ELAPOR2: variants seen among roughly 807,000 people sequenced by gnomAD.
ELAPOR2 encodes endosome/lysosome-associated apoptosis and autophagy regulator family member 2.
In ELAPOR2, 89 loss-of-function variants were observed where a neutral mutation model predicts 120.7. The observed-to-expected ratio is 0.74, with a 90% CI of 0.62 to 0.88. The LOEUF is 0.88. Among genes scored for constraint, ELAPOR2 ranks in the 40% least tolerant of loss-of-function variants. ELAPOR2 has a pLI of 0.00. For missense variants in ELAPOR2, 1,134 were observed against 1,251.6 expected, an observed-to-expected ratio of 0.91 and a Z score of 1.42; for synonymous variants, 444 against 444.9, an observed-to-expected ratio of 1.00 and a Z score of 0.03.
In ELAPOR2 at chr7:86,881,601, C is replaced by T. The variant is rs534001095; in HGVS notation, c.3031-1071G>A. On this transcript the variant is annotated intron_variant, in intron 21 of 21. Coordinates refer to ENST00000450689, the MANE Select transcript of ELAPOR2 (RefSeq NM_001142749.3). Reference sequence around the variant, plus strand: ...TCGAACTCCTGTCCTCGTGATCCGCCCACCTCGGCCTCCCAAAGTGCTGGG... The same window carrying T: ...TCGAACTCCTGTCCTCGTGATCCGCTCACCTCGGCCTCCCAAAGTGCTGGG... Among the ~76,000 whole-genome samples, 6 of 152,176 alleles carry T rather than the reference C, an allele frequency of 3.9e-5. No homozygotes were observed. In the South Asian group the frequency reaches 1.2e-3, roughly 32 times the overall value.
At chr7:86,930,966 G>A (rs761792877) in intron 8 of ELAPOR2, among the ~76,000 whole-genome samples, 1 of 151,918 alleles carries the variant, frequency 6.6e-6, no homozygotes. Context: ...TCTGAAAAAG[G>A]TTGTAGTCTA....
rs188868625 is a variant in ELAPOR2 at position 86,877,349 on chromosome 7, A to G, written c.*3122T>C. Reference sequence around the variant, plus strand: ...TTTCTAAAAGTTTACTCCTCTAAGGACATTTTCTTTGGGCAAACTCAGTTT... The same window carrying G: ...TTTCTAAAAGTTTACTCCTCTAAGGGCATTTTCTTTGGGCAAACTCAGTTT... On this transcript the variant is annotated 3_prime_UTR_variant, in exon 22 of 22. Transcript: ENST00000450689. The G allele has an allele frequency of 1.1e-4, 16 of 152,290 alleles. No individual in the cohort carries two copies. The highest frequency in any genetic ancestry group is 7.4e-5 in the Non-Finnish European group (5 of 68,016). The allele number at this position is 152,290 out of a possible 1,614,324, so 9.4% of individuals were successfully genotyped here.
intron 10 of ELAPOR2, among the ~76,000 whole-genome samples, chr7:86,923,916 C>A (rs150719064): frequency 1.3e-5 from 2 of 152,166 alleles, no homozygotes; most frequent in Non-Finnish European, 2.9e-5. Flanking sequence ...TGTTCTGTAA[C>A]TGTGTGAAAA....
chr7:86,977,648 C>A (rs956883433), intron 1 of ELAPOR2, among the ~76,000 whole-genome samples: 1 of 152,194 alleles, frequency 6.6e-6, no homozygotes, highest in African/African-American at 2.4e-5. Context: ...TCTTCTAATT[C>A]CTCAGCTTTG....
At position 86,891,484 on chromosome 7, in the gene ELAPOR2, T is replaced by C. The variant is rs1007297269; in HGVS notation, c.3030+240A>G. ...AGCTGCAGAGTTGCATAGTATTCTA[T>C]CACTTTGACAGATGAAAATATCTAA... is the stretch of plus-strand genomic sequence containing the variant. On this transcript the variant is annotated intron_variant, in intron 21 of 21. Transcript: ENST00000450689. The C allele has an allele frequency of 4.1e-5, 17 of 411,600 alleles. No individual in the cohort carries two copies. In the South Asian group the frequency reaches 6.9e-4, roughly 17 times the overall value. The allele number at this position is 411,600 out of a possible 1,614,324, so 25.5% of individuals were successfully genotyped here. A position where few individuals can be genotyped will look rare whatever the true frequency, so the allele number is the denominator to read the frequency against.
chr7:87,044,742 C>A (rs1010624854), intron 1 of ELAPOR2, among the ~76,000 whole-genome samples: 34 of 151,896 alleles, frequency 2.2e-4, no homozygotes, highest in Non-Finnish European at 2.2e-4. Context: ...GCAACAAAAG[C>A]CAAAATTGAC....
At chr7:86,905,070 A>AGAAGGAGG (rs1554381574) in intron 18 of ELAPOR2, among the ~76,000 whole-genome samples, 5 of 98,198 alleles carry the variant, frequency 5.1e-5, no homozygotes, top group African/African-American at 1.9e-4. Context: ...ACAGAGAGAG[A>AGAAGGAGG]GAAGGAAGGA....
intron 1 of ELAPOR2, among the ~76,000 whole-genome samples, chr7:86,988,789 A>G (rs1313649999): frequency 6.6e-6 from 1 of 152,244 alleles, no homozygotes; most frequent in Non-Finnish European, 1.5e-5. Context: ...AGACAATGCC[A>G]TCTCTTTCTA....
intron 4 of ELAPOR2, among the ~76,000 whole-genome samples, chr7:86,942,751 C>T (rs2116353826): frequency 6.6e-6 from 1 of 152,132 alleles, no homozygotes; most frequent in Non-Finnish European, 1.5e-5. Context: ...GGGGTTGGGA[C>T]ACTACTTTTC....
intron 1 of ELAPOR2, among the ~76,000 whole-genome samples, chr7:87,020,156 T>C (rs561677290): frequency 5.3e-5 from 8 of 152,262 alleles, no homozygotes; most frequent in Admixed American, 5.2e-4. Context: ...TTAATACATA[T>C]ATATGCACTT....
intron 1 of ELAPOR2, among the ~76,000 whole-genome samples, chr7:86,991,234 A>C (rs1792934630): frequency 6.6e-6 from 1 of 152,242 alleles, no homozygotes; most frequent in Non-Finnish European, 1.5e-5. Context: ...TGACCATATC[A>C]GGTGATTGAT....
intron 1 of ELAPOR2, among the ~76,000 whole-genome samples, chr7:87,018,186 G>A (rs1016674432): frequency 6.6e-6 from 1 of 151,874 alleles, no homozygotes; most frequent in Admixed American, 6.6e-5. Context: ...GATTACAGGC[G>A]CCCGCCACCA....
At chr7:87,034,216 G>C (rs16888353) in intron 1 of ELAPOR2, among the ~76,000 whole-genome samples, 3,695 of 152,226 alleles carry the variant, frequency 0.024, 169 homozygotes, top group African/African-American at 0.085. Context: ...CCCTGGTGTA[G>C]CAGCTTGGAT....
intron 1 of ELAPOR2, among the ~76,000 whole-genome samples, chr7:86,999,626 T>C (rs1793243922): frequency 1.3e-5 from 2 of 152,172 alleles, no homozygotes; most frequent in Non-Finnish European, 2.9e-5. Flanking sequence ...CTCAGATTTA[T>C]CCATAACATA....
intron 19 of ELAPOR2, among the ~76,000 whole-genome samples, chr7:86,893,818 C>T (rs995201196): frequency 6.6e-6 from 1 of 152,004 alleles, no homozygotes; most frequent in Non-Finnish European, 1.5e-5. Context: ...TATTAATATA[C>T]TGGGTCTCAA....
At chr7:87,044,854 C>G (rs535403686) in intron 1 of ELAPOR2, among the ~76,000 whole-genome samples, 1,729 of 149,708 alleles carry the variant, frequency 0.012, 36 homozygotes, top group African/African-American at 0.041. Context: ...TCACAACCTA[C>G]TCATCTGACA....
intron 11 of ELAPOR2, 99 bp downstream of exon 11, chr7:86,919,121 A>G (rs1223268690): frequency 1.4e-6 from 1 of 721,846 alleles, no homozygotes; most frequent in African/African-American, 1.8e-5. Flanking sequence ...GTATTTTTGT[A>G]ATATTAATAT....
At chr7:87,020,094 A>T (rs979104609) in intron 1 of ELAPOR2, among the ~76,000 whole-genome samples, 1 of 152,190 alleles carries the variant, frequency 6.6e-6, no homozygotes, top group Admixed American at 6.5e-5. Context: ...AACAATGTGT[A>T]CCATCATCCC....
At chr7:86,930,792 T>C (rs760505258) in intron 8 of ELAPOR2, among the ~76,000 whole-genome samples, 2 of 151,966 alleles carry the variant, frequency 1.3e-5, no homozygotes, top group Non-Finnish European at 2.9e-5. Flanking sequence ...TGTTAGAACA[T>C]CACTACATCC....
Sources: allele counts gnomAD v4.1 joint callset (sites outside exome capture counted in the v4.1 genomes callset), GRCh38; gene constraint gnomAD v4.1.1; transcripts MANE v1.5; gene names NCBI Gene and HGNC (gene_info 2026-07-23, HGNC 2026-07-21).